C4orf51: variants seen among roughly 807,000 people sequenced by gnomAD.
The protein encoded by C4orf51 is uncharacterized protein C4orf51.
In C4orf51, 25 loss-of-function variants were observed where a neutral mutation model predicts 25.2. The ratio of observed to expected loss-of-function variants is 0.99; its 90% CI spans 0.72 to 1.39. The LOEUF (loss-of-function observed/expected upper bound fraction) is 1.39, where lower values mean the gene tolerates loss of function less well. Ranked by LOEUF, C4orf51 falls within the 40% of genes most tolerant of loss-of-function variation. C4orf51 has a pLI of 0.00. For missense variants in C4orf51, 252 were observed against 239.6 expected (o/e 1.05, Z -0.34); for synonymous variants, 100 against 84.5 (o/e 1.18, Z -1.01).
downstream of C4orf51, among the ~76,000 whole-genome samples, chr4:145,735,301 A>G (rs943772848): frequency 6.6e-6 from 1 of 152,150 alleles, no homozygotes; most frequent in African/African-American, 2.4e-5. Context: ...TGGAAGAGTA[A>G]CTATGGGCAA....
chr4:145,748,526 G>A (rs1379386670), intron 1 of C4orf51, among the ~76,000 whole-genome samples: 2 of 151,904 alleles, frequency 1.3e-5, no homozygotes, highest in South Asian at 2.1e-4. Context: ...GGCACTTATA[G>A]TTATAAACTT....
chr4:145,745,320 ATTTTT>A (rs374600935), intron 1 of C4orf51, among the ~76,000 whole-genome samples: 4 of 135,336 alleles, frequency 3.0e-5, no homozygotes, highest in African/African-American at 5.6e-5. Flanking sequence ...TTATTCATTC[ATTTTT>A]TTTTTTTTTT....
chr4:145,726,063 A>G (rs1470320097), intron 2 of C4orf51, among the ~76,000 whole-genome samples: 1 of 152,176 alleles, frequency 6.6e-6, no homozygotes, highest in African/African-American at 2.4e-5. Flanking sequence ...ATCATAGGAG[A>G]ACATAGCAGA....
the C4orf51 span, chr4:145,779,518 C>G: frequency 6.2e-7 from 1 of 1,611,566 alleles, no homozygotes; most frequent in Non-Finnish European, 8.5e-7. Context: ...GTTTCTGGGT[C>G]AAAAGAACAA....
chr4:145,700,743 G>A (rs1730383874), intron 2 of C4orf51, among the ~76,000 whole-genome samples: 1 of 152,156 alleles, frequency 6.6e-6, no homozygotes, highest in Non-Finnish European at 1.5e-5. Flanking sequence ...GCGTCGCTGA[G>A]TCTTTCTAAT....
downstream of C4orf51, chr4:145,757,939 A>G (rs886617931): frequency 6.6e-6 from 1 of 152,204 alleles, no homozygotes; most frequent in Admixed American, 6.5e-5. Context: ...GCATAGTGAC[A>G]ACAATTGAAG....
At chr4:145,711,233 G>A (rs1731111712) in intron 2 of C4orf51, among the ~76,000 whole-genome samples, 1 of 152,054 alleles carries the variant, frequency 6.6e-6, no homozygotes, top group Admixed American at 6.6e-5. Context: ...CTTTTGTTGA[G>A]GTGCCCCACT....
intron 1 of C4orf51, among the ~76,000 whole-genome samples, chr4:145,696,096 T>C (rs769382373): frequency 1.3e-5 from 2 of 152,170 alleles, no homozygotes; most frequent in Middle Eastern, 3.4e-3. Context: ...ACCCTGTCTC[T>C]ACTAAAAATA....
the C4orf51 span, among the ~76,000 whole-genome samples, chr4:145,781,195 C>CA: frequency 5.2e-3 from 296 of 56,538 alleles, 13 homozygotes; most frequent in Admixed American, 8.5e-3. Context: ...GACACCATCT[C>CA]AAAAAAAAAA....
intron 4 of C4orf51, 68 bp downstream of exon 4, chr4:145,729,297 ATTT>A (rs547075220): frequency 0.015 from 4,396 of 289,654 alleles, no homozygotes; most frequent in Admixed American, 0.016. Flanking sequence ...TGGTCATGTG[ATTT>A]TTTTTTTTTT....
intron 2 of C4orf51, among the ~76,000 whole-genome samples, chr4:145,713,171 T>A (rs1731224969): frequency 6.6e-6 from 1 of 152,238 alleles, no homozygotes; most frequent in South Asian, 2.1e-4. Flanking sequence ...GTTCCATGCC[T>A]GCTAACACAA....
At chr4:145,733,633 C>T (rs1314219183), downstream of C4orf51, among the ~76,000 whole-genome samples, 1 of 151,888 alleles carries the variant, frequency 6.6e-6, no homozygotes, top group African/African-American at 2.4e-5. Flanking sequence ...AATTAAAAGT[C>T]GCAGCACCAC....
intron 2 of C4orf51, among the ~76,000 whole-genome samples, chr4:145,701,576 C>T (rs11724653): frequency 0.57 from 86,303 of 150,808 alleles, 25,043 homozygotes; most frequent in Admixed American, 0.65. Context: ...GCTGCCCGAT[C>T]GCCTCAGAAG....
intron 2 of C4orf51, among the ~76,000 whole-genome samples, chr4:145,720,412 G>A (rs1445641748): frequency 1.3e-5 from 2 of 152,094 alleles, no homozygotes; most frequent in African/African-American, 4.8e-5. Flanking sequence ...ACCCAGGAGT[G>A]AAAACCCCCC....
intron 1 of C4orf51, among the ~76,000 whole-genome samples, chr4:145,689,400 CA>C: frequency 6.6e-6 from 1 of 151,676 alleles, no homozygotes; most frequent in Non-Finnish European, 1.5e-5. Context: ...ATCTATGAGA[CA>C]TATATGTATC....
intron 1 of C4orf51, among the ~76,000 whole-genome samples, chr4:145,690,288 G>A (rs1427313446): frequency 2.6e-5 from 4 of 151,914 alleles, no homozygotes; most frequent in Non-Finnish European, 5.9e-5. Flanking sequence ...GGTGGATCAC[G>A]AGGTCAGGAG....
chr4:145,779,345 G>A, the C4orf51 span: 4 of 1,609,198 alleles, frequency 2.5e-6, no homozygotes, highest in Non-Finnish European at 3.4e-6. Flanking sequence ...GAGCATAGAG[G>A]GCTGACAGCC....
At position 145,765,592 on chromosome 4, in the gene C4orf51, G is replaced by A. The variant is rs781521090; in HGVS notation, n.167-5396G>A. The A allele has an allele frequency of 6.2e-7, 1 of 1,614,044 alleles. No individual in the cohort carries two copies. The highest frequency in any genetic ancestry group is 8.5e-7 in the Non-Finnish European group (1 of 1,179,986). On this transcript the variant is annotated intron_variant and non_coding_transcript_variant, in intron 1 of 1. Transcript: ENST00000510096. The surrounding 1 kb of genome is among the most constrained non-coding windows in gnomAD (Gnocchi z 4.7). ...CTGTTCAGTGAGGGCTGGCTCCCAGGCATGACAGAGATGACCAGCAGATTG... is the reference window on the plus strand; with the variant it reads ...CTGTTCAGTGAGGGCTGGCTCCCAGACATGACAGAGATGACCAGCAGATTG...
At position 145,740,703 on chromosome 4, in the gene C4orf51, C is replaced by T. The variant is rs541584825; in HGVS notation, n.167+8084C>T. Reference sequence around the variant, plus strand: ...AAATTTTCACTTCTTCTGGATTTGCCGCTTTAATGGAAGAGCCCACCATGG... The same window carrying T: ...AAATTTTCACTTCTTCTGGATTTGCTGCTTTAATGGAAGAGCCCACCATGG... On this transcript the variant is annotated intron_variant and non_coding_transcript_variant, in intron 1 of 1. Transcript: ENST00000508981. 3.3e-5 allele frequency among the ~76,000 whole-genome samples: 5 copies of T among 152,300 alleles called. No individual in the cohort carries two copies. In the South Asian group the frequency reaches 6.2e-4, roughly 19 times the overall value.
Sources: gnomAD v4.1 joint callset for allele counts (sites outside exome capture counted in the v4.1 genomes callset) on GRCh38, gnomAD v4.1.1 for gene constraint, Gnocchi (gnomAD v3.1) non-coding constraint, MANE v1.5 for transcripts, NCBI Gene and HGNC (gene_info 2026-07-23, HGNC 2026-07-21) for gene names.